The following ZMIZ1 variants were observed in gnomAD, a reference collection of about 807,000 sequenced individuals.
The protein encoded by ZMIZ1 is zinc finger MIZ domain-containing protein 1.
Under a neutral mutation model 113.9 loss-of-function variants are expected in ZMIZ1, and 17 were observed. The observed-to-expected ratio is 0.15, with a 90% confidence interval of 0.10 to 0.22. ZMIZ1 has a LOEUF of 0.22. ZMIZ1 is among the 10% of genes least tolerant of loss of function. The pLI, the probability that ZMIZ1 is intolerant of heterozygous loss-of-function variation, is 1.00. For missense variants in ZMIZ1, 1,059 were observed against 1,477.8 expected (o/e 0.72, Z 4.65); for synonymous variants, 607 against 603.1 (o/e 1.01, Z -0.09).
At chr10:79,117,192 A>G (rs945388137) in intron 1 of ZMIZ1, among the ~76,000 whole-genome samples, 4 of 152,260 alleles carry the variant, frequency 2.6e-5, no homozygotes, top group Non-Finnish European at 2.9e-5. Context: ...CCTAGTCTCT[A>G]TAACTCACAA....
chr10:79,069,847 G>T lies in ZMIZ1; in HGVS notation c.-337+577G>T, dbSNP rs568061666. Among the ~76,000 whole-genome samples, 478 of 150,512 alleles carry T rather than the reference G, an allele frequency of 3.2e-3. 1 individual carries two copies. Among genetic ancestry groups the T allele is most frequent in the Middle Eastern group, 0.014 (4 of 286 alleles). On this transcript the variant is annotated intron_variant, in intron 1 of 24. Transcript: ENST00000334512. This position sits in a 1 kb window ranked among gnomAD's most constrained non-coding sequence, Gnocchi z 4.6. ...GGGGCGCGGTTAAGTTGTTTGTGTG[G>T]GAATTGCCCGGGGAAAGCTGGCGCG...
intron 4 of ZMIZ1, among the ~76,000 whole-genome samples, chr10:79,182,676 G>C (rs748843322): frequency 6.6e-6 from 1 of 152,220 alleles, no homozygotes; most frequent in Non-Finnish European, 1.5e-5. Flanking sequence ...GATTTGAAGA[G>C]GCCCAGGGTT....
chr10:79,186,044 G>A lies in ZMIZ1; in HGVS notation c.-49-15540G>A, dbSNP rs552285070. ...AAGAAGGAAGAGAGAAATGTGGCCA[G>A]TGTTCACTTTCAGGTCCCTGGATGT... On this transcript the variant is annotated intron_variant, in intron 4 of 24. Transcript: ENST00000334512. Among the ~76,000 whole-genome samples the A allele has an allele frequency of 4.6e-5, 7 of 152,284 alleles. No individual in the cohort carries two copies. The South Asian group carries it at 6.2e-4, about 14-fold the overall frequency.
chr10:79,176,006 G>A (rs562046898), intron 4 of ZMIZ1, among the ~76,000 whole-genome samples: 1 of 152,166 alleles, frequency 6.6e-6, no homozygotes, highest in East Asian at 1.9e-4. Flanking sequence ...TGTGCCCTTT[G>A]TCTAATGCTG....
chr10:79,077,239 G>A (rs191691819), intron 1 of ZMIZ1, among the ~76,000 whole-genome samples: 36 of 152,074 alleles, frequency 2.4e-4, no homozygotes, highest in African/African-American at 7.5e-4. Flanking sequence ...GACCTTGACC[G>A]CCGCTGGGAA....
intron 4 of ZMIZ1, among the ~76,000 whole-genome samples, chr10:79,168,715 C>T (rs11597985): frequency 0.19 from 29,109 of 152,184 alleles, 3,160 homozygotes; most frequent in Middle Eastern, 0.24. Flanking sequence ...GCTCTCAGCC[C>T]TGCTCCCTGG....
intron 7 of ZMIZ1, among the ~76,000 whole-genome samples, chr10:79,216,809 A>G (rs957879839): frequency 1.3e-5 from 2 of 152,232 alleles, no homozygotes; most frequent in African/African-American, 4.8e-5. Context: ...TCGAAACAAA[A>G]TGAATCAGTA....
intron 7 of ZMIZ1, among the ~76,000 whole-genome samples, chr10:79,224,679 G>A (rs939156165): frequency 2.0e-5 from 3 of 152,212 alleles, no homozygotes; most frequent in Non-Finnish European, 2.9e-5. Flanking sequence ...TGGGATAGGG[G>A]ATCTGCACAG....
chr10:79,219,501 G>T (rs531088383), intron 7 of ZMIZ1, among the ~76,000 whole-genome samples: 1 of 152,314 alleles, frequency 6.6e-6, no homozygotes, highest in East Asian at 1.9e-4. Flanking sequence ...GGCTCTGCCT[G>T]CCCCATCACA....
chr10:79,300,671 C>A, intron 16 of ZMIZ1, 61 bp from the exon 17 acceptor site: 1 of 1,525,330 alleles, frequency 6.6e-7, no homozygotes. Context: ...GGCTCGGGGT[C>A]ACGGAGGCCA....
intron 7 of ZMIZ1, among the ~76,000 whole-genome samples, chr10:79,272,523 G>A (rs1341316818): frequency 6.6e-6 from 1 of 152,184 alleles, no homozygotes. Flanking sequence ...GCGGAGCTTT[G>A]CACGTCATCT....
chr10:79,285,661 T>C (rs750948897), intron 8 of ZMIZ1: 1 of 445,852 alleles, frequency 2.2e-6, no homozygotes, highest in South Asian at 1.6e-5. Context: ...GCACATTTTT[T>C]TGTTTAGCAA....
intron 3 of ZMIZ1, among the ~76,000 whole-genome samples, chr10:79,152,745 C>T (rs567350478): frequency 6.6e-6 from 1 of 152,376 alleles, no homozygotes; most frequent in Non-Finnish European, 1.5e-5. Context: ...GCCTCTGAGC[C>T]TCTGTTTCCT....
intron 1 of ZMIZ1, among the ~76,000 whole-genome samples, chr10:79,095,285 C>T (rs942240664): frequency 2.0e-5 from 3 of 152,240 alleles, no homozygotes; most frequent in Admixed American, 2.0e-4. Context: ...CTATAACATA[C>T]ATTTCAAGGG....
chr10:79,235,302 G>A (rs1849544145), intron 7 of ZMIZ1, among the ~76,000 whole-genome samples: 1 of 152,210 alleles, frequency 6.6e-6, no homozygotes, highest in Admixed American at 6.5e-5. Context: ...TGAAAGGAAG[G>A]CAGGAAGGCT....
chr10:79,213,375 C>G (rs1201166140), intron 6 of ZMIZ1, among the ~76,000 whole-genome samples: 1 of 152,200 alleles, frequency 6.6e-6, no homozygotes, highest in Admixed American at 6.5e-5. Flanking sequence ...CTCTGCCATA[C>G]CTGTGCTCTG....
At position 79,302,292 on chromosome 10, in the gene ZMIZ1, C is replaced by T. The variant is rs1854355799; in HGVS notation, c.2125+80C>T. 4.2e-6 allele frequency: 6 copies of T among 1,430,280 alleles called. No homozygotes were observed. In the South Asian group the frequency reaches 4.6e-5, roughly 11 times the overall value. The allele number at this position is 1,430,280 out of a possible 1,614,324, so 88.6% of individuals were successfully genotyped here. A position where few individuals can be genotyped will look rare whatever the true frequency, so the allele number is the denominator to read the frequency against. On this transcript the variant is annotated intron_variant, in intron 18 of 24. Coordinates refer to ENST00000334512, the MANE Select transcript of ZMIZ1 (RefSeq NM_020338.4). ...GGGACTGAGAAGCAGTCACCATTCA[C>T]CTGGAACTGACCTTTGCCTCCGTGC... is the stretch of plus-strand genomic sequence containing the variant.
intron 16 of ZMIZ1, among the ~76,000 whole-genome samples, chr10:79,299,677 G>A (rs886421791): frequency 3.3e-5 from 5 of 152,248 alleles, no homozygotes; most frequent in Admixed American, 2.0e-4. Context: ...CACAAGGTCC[G>A]GAGGTTCCCT....
chr10:79,299,304 C>T, intron 16 of ZMIZ1, 113 bp downstream of exon 16: 2 of 1,410,966 alleles, frequency 1.4e-6, no homozygotes, highest in Non-Finnish European at 1.9e-6. Flanking sequence ...CTTCTGACAC[C>T]TTCACGTGTT....
Sources: allele counts gnomAD v4.1 joint callset (sites outside exome capture counted in the v4.1 genomes callset), GRCh38; gene constraint gnomAD v4.1.1; non-coding constraint Gnocchi (gnomAD v3.1); transcripts MANE v1.5; gene names NCBI Gene and HGNC (gene_info 2026-07-23, HGNC 2026-07-21).